CSMD1: variants seen among roughly 807,000 people sequenced by gnomAD.
CSMD1 encodes CUB and sushi domain-containing protein 1.
A neutral mutation model predicts 417.5 loss-of-function variants in CSMD1; 213 were observed. The observed-to-expected ratio is 0.51, with a 90% CI of 0.46 to 0.57. The LOEUF (loss-of-function observed/expected upper bound fraction) is 0.57, where lower values mean the gene tolerates loss of function less well. Ranked by LOEUF, CSMD1 falls within the 20% of genes least tolerant of loss-of-function variation. CSMD1 has a pLI of 0.00. For synonymous variants in CSMD1, 2,862 were observed against 1,736.8 expected, an observed-to-expected ratio of 1.65 and a Z score of -16.11; for missense variants, 6,923 against 4,529.7, an observed-to-expected ratio of 1.53 and a Z score of -15.17.
chr8:3,525,414 C>G (rs1797712558), intron 10 of CSMD1, among the ~76,000 whole-genome samples: 1 of 152,084 alleles, frequency 6.6e-6, no homozygotes, highest in African/African-American at 2.4e-5. Flanking sequence ...AGTAATATCC[C>G]AGGTACTGAG....
At chr8:4,972,407 G>A (rs761696410) in intron 1 of CSMD1, among the ~76,000 whole-genome samples, 1 of 152,170 alleles carries the variant, frequency 6.6e-6, no homozygotes, top group African/African-American at 2.4e-5. Flanking sequence ...ATGATAGCAA[G>A]TGAATTCTCA....
chr8:4,720,551 G>C (rs929857216), intron 1 of CSMD1, among the ~76,000 whole-genome samples: 1 of 152,064 alleles, frequency 6.6e-6, no homozygotes, highest in African/African-American at 2.4e-5. Context: ...CTGAATAGCT[G>C]AGATTAAAGG....
intron 7 of CSMD1, among the ~76,000 whole-genome samples, chr8:3,625,965 G>A (rs377102025): frequency 1.3e-5 from 2 of 152,230 alleles, no homozygotes; most frequent in East Asian, 3.9e-4. Context: ...ATTAAGCCAA[G>A]ATGTTTATTT....
At chr8:4,236,039 GTTT>G (rs869245155) in intron 3 of CSMD1, among the ~76,000 whole-genome samples, 4,547 of 31,136 alleles carry the variant, frequency 0.15, 157 homozygotes, top group East Asian at 0.33. Flanking sequence ...TTTTTTGTTT[GTTT>G]TTTTTTTTTT....
intron 3 of CSMD1, among the ~76,000 whole-genome samples, chr8:4,104,045 G>C (rs1229218950): frequency 6.6e-6 from 1 of 152,132 alleles, no homozygotes; most frequent in African/African-American, 2.4e-5. Flanking sequence ...GGCCCTTCTG[G>C]GCATTACTCA....
At chr8:3,940,497 C>CTGTGTGTGTG (rs34005059) in intron 5 of CSMD1, among the ~76,000 whole-genome samples, 40 of 145,048 alleles carry the variant, frequency 2.8e-4, no homozygotes, top group African/African-American at 5.8e-4. Flanking sequence ...ATTATTTCCT[C>CTGTGTGTGTG]TGTGTGTGTG....
chr8:4,234,774 G>C (rs953657617), intron 3 of CSMD1, among the ~76,000 whole-genome samples: 1 of 152,154 alleles, frequency 6.6e-6, no homozygotes, highest in Non-Finnish European at 1.5e-5. Flanking sequence ...AAAGATCTGG[G>C]CTAACTTGCC....
At chr8:3,222,994 T>C (rs141778787) in intron 28 of CSMD1, among the ~76,000 whole-genome samples, 15 of 152,342 alleles carry the variant, frequency 9.8e-5, no homozygotes, top group African/African-American at 3.6e-4. Context: ...TGTCCTTGGA[T>C]AGCTGAAAGG....
rs1801569658 is a variant in CSMD1 at position 2,937,481 on chromosome 8, C to T, written c.*1104G>A. On this transcript the variant is annotated 3_prime_UTR_variant, in exon 70 of 70. Transcript: ENST00000635120. The stretch of plus-strand genomic sequence containing the variant: ...AAAAAAAACACTGCAAAAGGGAAGG[C>T]TGCATTGTGAGCTAAAACCCACAAG... The T allele has an allele frequency of 6.6e-6, 1 of 150,946 alleles. No individual in the cohort carries two copies. Among genetic ancestry groups the T allele is most frequent in the Non-Finnish European group, 1.5e-5 (1 of 67,862 alleles). The allele number at this position is 150,946 out of a possible 1,614,324, so 9.4% of individuals were successfully genotyped here.
chr8:4,422,123 A>G (rs1797283157), intron 2 of CSMD1, among the ~76,000 whole-genome samples: 1 of 152,146 alleles, frequency 6.6e-6, no homozygotes, highest in African/African-American at 2.4e-5. Flanking sequence ...ATTATCCTAT[A>G]GCTATTAAAA....
chr8:3,526,673 C>G (rs1044629805), intron 10 of CSMD1, among the ~76,000 whole-genome samples: 3 of 152,132 alleles, frequency 2.0e-5, no homozygotes, highest in African/African-American at 7.2e-5. Flanking sequence ...TGCCCGGATG[C>G]AAAATAAAAG....
chr8:3,271,980 G>C (rs1801892329), intron 26 of CSMD1, among the ~76,000 whole-genome samples: 2 of 151,948 alleles, frequency 1.3e-5, no homozygotes, highest in African/African-American at 4.8e-5. Context: ...TTTGCTTTTT[G>C]TGTTTGAGAC....
At chr8:3,364,466 T>C (rs1479170206) in intron 20 of CSMD1, among the ~76,000 whole-genome samples, 1 of 152,206 alleles carries the variant, frequency 6.6e-6, no homozygotes, top group African/African-American at 2.4e-5. Context: ...AAGAGTATTT[T>C]ATTGTTGTTG....
intron 3 of CSMD1, among the ~76,000 whole-genome samples, chr8:4,094,850 T>G (rs1172554894): frequency 1.3e-5 from 2 of 152,094 alleles, no homozygotes; most frequent in East Asian, 3.9e-4. Flanking sequence ...GAAGCATAGT[T>G]GGTGATGTGT....
Position 3,949,964 on chromosome 8 carries a change from C to T in CSMD1, c.818+47939G>A, listed in dbSNP as rs28484850. 5 of 455,726 alleles carry T rather than the reference C, an allele frequency of 1.1e-5. No individual in the cohort carries two copies. The East Asian group carries it at 2.1e-4, about 19-fold the overall frequency. The allele number at this position is 455,726 out of a possible 1,614,324, so 28.2% of individuals were successfully genotyped here. On this transcript the variant is annotated intron_variant, in intron 5 of 69. Transcript: ENST00000635120. ...CATGGAGAGGTTCATGCCAGCAGAG[C>T]GACGTGTCTCCAGGCTTGCATGAAA... is the stretch of plus-strand genomic sequence containing the variant.
At chr8:3,265,844 C>T (rs546636322) in intron 26 of CSMD1, among the ~76,000 whole-genome samples, 3 of 151,976 alleles carry the variant, frequency 2.0e-5, no homozygotes, top group Non-Finnish European at 4.4e-5. Flanking sequence ...CTGGGTGATG[C>T]AGTAGCTCAG....
intron 4 of CSMD1, among the ~76,000 whole-genome samples, chr8:4,017,647 A>T (rs933588310): frequency 1.3e-5 from 2 of 151,794 alleles, no homozygotes; most frequent in Non-Finnish European, 2.9e-5. Flanking sequence ...AAAATATTAG[A>T]GAGTTCTAAT....
intron 26 of CSMD1, among the ~76,000 whole-genome samples, chr8:3,269,586 C>G (rs1232801585): frequency 6.6e-6 from 1 of 152,214 alleles, no homozygotes; most frequent in Non-Finnish European, 1.5e-5. Flanking sequence ...AGAAATCAAT[C>G]TCGCAAAACC....
At chr8:4,637,837 A>AT (rs1188687829) in intron 1 of CSMD1, among the ~76,000 whole-genome samples, 1 of 151,018 alleles carries the variant, frequency 6.6e-6, no homozygotes, top group Non-Finnish European at 1.5e-5. Flanking sequence ...CGCCCGGCTA[A>AT]TTTTTTGTAT....
Sources: gnomAD v4.1 joint callset for allele counts (sites outside exome capture counted in the v4.1 genomes callset) on GRCh38, gnomAD v4.1.1 for gene constraint, MANE v1.5 for transcripts, NCBI Gene and HGNC (gene_info 2026-07-23, HGNC 2026-07-21) for gene names.